CTNNA2: variants seen among roughly 807,000 people sequenced by gnomAD.
The protein encoded by CTNNA2 is catenin alpha-2.
In CTNNA2, 42 loss-of-function variants were observed where a neutral mutation model predicts 101.0. The ratio of observed to expected loss-of-function variants is 0.42; its 90% CI spans 0.32 to 0.54. CTNNA2 has a LOEUF of 0.54. Among genes scored for constraint, CTNNA2 ranks in the 20% least tolerant of loss-of-function variants. The probability of loss-of-function intolerance (pLI) is 0.14; values close to 1 mark genes in which losing one functional copy is unlikely to be tolerated. For synonymous variants in CTNNA2, 450 were observed against 456.4 expected, an observed-to-expected ratio of 0.99 and a Z score of 0.18; for missense variants, 871 against 1,223.1, an observed-to-expected ratio of 0.71 and a Z score of 4.29.
chr2:79,857,911 A>G (rs1681266873), intron 3 of CTNNA2, 102 bp from the exon 4 acceptor site: 1 of 1,247,368 alleles, frequency 8.0e-7, no homozygotes, highest in African/African-American at 1.5e-5. Flanking sequence ...TGGTCATCAG[A>G]GTTTTGCAAT....
chr2:80,441,627 T>G lies in CTNNA2; in HGVS notation c.1290+22026T>G, dbSNP rs149535062. On this transcript the variant is annotated intron_variant, in intron 9 of 18. Coordinates refer to ENST00000402739, the MANE Select transcript of CTNNA2 (RefSeq NM_001282597.3). ...ATCTCCGTGACTTCTGTTTTGCAAC[T>G]CCAAGATATTAGGTTCTATAGCTTC... is the stretch of plus-strand genomic sequence containing the variant. Among the ~76,000 whole-genome samples the G allele has an allele frequency of 7.2e-5, 11 of 152,296 alleles. No homozygotes were observed. In the East Asian group the frequency reaches 2.1e-3, roughly 29 times the overall value.
intron 4 of CTNNA2, among the ~76,000 whole-genome samples, chr2:79,386,563 A>G (rs897543993): frequency 3.3e-5 from 5 of 152,218 alleles, no homozygotes; most frequent in Non-Finnish European, 5.9e-5. Flanking sequence ...TTTGAAATAA[A>G]GAGTCCTTCA....
intron 9 of CTNNA2, among the ~76,000 whole-genome samples, chr2:80,522,796 C>T (rs1689684286): frequency 6.6e-6 from 1 of 152,176 alleles, no homozygotes. Flanking sequence ...GAGGCCCGTA[C>T]AGCCTGCAAA....
At position 79,831,585 on chromosome 2, in the gene CTNNA2, A is replaced by G. The variant is rs1029496221; in HGVS notation, c.299-26428A>G. On this transcript the variant is annotated intron_variant, in intron 3 of 18. Coordinates refer to ENST00000402739, the MANE Select transcript of CTNNA2 (RefSeq NM_001282597.3). ...TAACTCCAAAATCATATCAGGAAAT[A>G]TGATAACTCATTTGGGTAGTGCTCT... Among the ~76,000 whole-genome samples the G allele has an allele frequency of 7.9e-5, 12 of 152,232 alleles. No individual in the cohort carries two copies. In the East Asian group the frequency reaches 2.3e-3, roughly 29 times the overall value.
chr2:80,467,329 C>A (rs993949848), intron 9 of CTNNA2, among the ~76,000 whole-genome samples: 4 of 152,112 alleles, frequency 2.6e-5, no homozygotes, highest in African/African-American at 9.7e-5. Context: ...CAAATAAAGT[C>A]TCTACACTAA....
chr2:80,264,427 G>A (rs1214168858), intron 7 of CTNNA2, among the ~76,000 whole-genome samples: 1 of 152,086 alleles, frequency 6.6e-6, no homozygotes, highest in Non-Finnish European at 1.5e-5. Flanking sequence ...GTTTGCTTTT[G>A]TTTCAGGTAA....
At chr2:79,417,585 T>C (rs1451480400) in intron 4 of CTNNA2, among the ~76,000 whole-genome samples, 1 of 152,120 alleles carries the variant, frequency 6.6e-6, no homozygotes, top group African/African-American at 2.4e-5. Context: ...TCCTCTCCCT[T>C]TTCAAATGCT....
chr2:79,556,640 G>T (rs1480035942), intron 1 of CTNNA2, among the ~76,000 whole-genome samples: 4 of 151,960 alleles, frequency 2.6e-5, no homozygotes, highest in African/African-American at 9.7e-5. Flanking sequence ...TTAGGTACTT[G>T]TCAATATAAA....
chr2:80,496,498 A>T (rs1687486141), intron 9 of CTNNA2, among the ~76,000 whole-genome samples: 1 of 151,898 alleles, frequency 6.6e-6, no homozygotes, highest in South Asian at 2.1e-4. Flanking sequence ...ATCTGAGTTT[A>T]AATCCAAGCT....
At chr2:80,568,778 G>A (rs944152041) in intron 12 of CTNNA2, among the ~76,000 whole-genome samples, 1 of 152,158 alleles carries the variant, frequency 6.6e-6, no homozygotes, top group Non-Finnish European at 1.5e-5. Context: ...ATCATTCATG[G>A]ATATGTTGCT....
chr2:80,573,830 C>G (rs1378547162), intron 12 of CTNNA2, among the ~76,000 whole-genome samples: 34 of 152,130 alleles, frequency 2.2e-4, no homozygotes, highest in Admixed American at 2.2e-3. Flanking sequence ...TAACCAGCAG[C>G]AACCAGCAGA....
chr2:80,190,512 C>G (rs78828402), intron 7 of CTNNA2, among the ~76,000 whole-genome samples: 1 of 152,016 alleles, frequency 6.6e-6, no homozygotes. Flanking sequence ...CAGGATGGGC[C>G]GGGGGTTCAG....
chr2:80,154,700 A>G (rs1313122302), intron 7 of CTNNA2, among the ~76,000 whole-genome samples: 1 of 152,140 alleles, frequency 6.6e-6, no homozygotes, highest in East Asian at 1.9e-4. Context: ...CTCACTCCTA[A>G]TACCTGCTGA....
At chr2:80,394,000 C>G (rs1227708767) in intron 8 of CTNNA2, among the ~76,000 whole-genome samples, 2 of 152,170 alleles carry the variant, frequency 1.3e-5, no homozygotes, top group African/African-American at 2.4e-5. Context: ...TTCTATCACC[C>G]ACTGAGTTAT....
intron 7 of CTNNA2, among the ~76,000 whole-genome samples, chr2:80,389,409 TC>T (rs1443740304): frequency 6.6e-6 from 1 of 152,030 alleles, no homozygotes; most frequent in East Asian, 1.9e-4. Context: ...AAGTCTCCGC[TC>T]CTTCCTTCCT....
upstream of CTNNA2, among the ~76,000 whole-genome samples, chr2:79,508,435 TA>T (rs1414222145): frequency 6.6e-6 from 1 of 152,040 alleles, no homozygotes; most frequent in African/African-American, 2.4e-5. Context: ...GGCTTTCTCC[TA>T]AAGGGAAAGT....
rs545858953 is a variant in CTNNA2, at chr2:79,914,803, A to G, written c.1056+5006A>G. Reference sequence around the variant, plus strand: ...AACTTTTTTTCAAGCCTCTTGAAGCATCTAAGTGGATCCCTGGGGTTAACA... The same window carrying G: ...AACTTTTTTTCAAGCCTCTTGAAGCGTCTAAGTGGATCCCTGGGGTTAACA... On this transcript the variant is annotated intron_variant, in intron 7 of 18. Coordinates refer to ENST00000402739, the MANE Select transcript of CTNNA2 (RefSeq NM_001282597.3). Among the ~76,000 whole-genome samples, 306 of 152,234 alleles carry G rather than the reference A, an allele frequency of 2.0e-3. 1 individual carries two copies. The highest frequency in any genetic ancestry group is 6.6e-3 in the African/African-American group (276 of 41,554).
At chr2:79,296,412 G>T (rs184720071) in intron 2 of CTNNA2, among the ~76,000 whole-genome samples, 3 of 152,256 alleles carry the variant, frequency 2.0e-5, no homozygotes, top group African/African-American at 7.2e-5. Flanking sequence ...TCATGAAAAA[G>T]TTTCTGCTGG....
chr2:79,656,753 A>G (rs1681638418), intron 2 of CTNNA2, among the ~76,000 whole-genome samples: 1 of 152,022 alleles, frequency 6.6e-6, no homozygotes, highest in Admixed American at 6.6e-5. Flanking sequence ...TAAATTCAAA[A>G]AAGGAAGGAG....
Sources: gnomAD v4.1 joint callset for allele counts (sites outside exome capture counted in the v4.1 genomes callset) on GRCh38, gnomAD v4.1.1 for gene constraint, MANE v1.5 for transcripts, NCBI Gene and HGNC (gene_info 2026-07-23, HGNC 2026-07-21) for gene names.